The following FHDC1 variants were observed in gnomAD, a reference collection of about 807,000 sequenced individuals.
FHDC1 encodes the protein FH2 domain containing 1.
Under a neutral mutation model 52.6 loss-of-function variants are expected in FHDC1, and 25 were observed. The ratio of observed to expected loss-of-function variants is 0.48; its 90% CI spans 0.35 to 0.66. The LOEUF (loss-of-function observed/expected upper bound fraction) is 0.66, where lower values mean the gene tolerates loss of function less well. FHDC1 is among the 30% of genes least tolerant of loss of function. FHDC1 has a pLI of 0.01. For missense variants in FHDC1, 1,459 were observed against 1,452.8 expected, an observed-to-expected ratio of 1.00 and a Z score of -0.07; for synonymous variants, 616 against 581.5, an observed-to-expected ratio of 1.06 and a Z score of -0.85.
At chr4:152,926,209 A>C in the FHDC1 span, among the ~76,000 whole-genome samples, 1 of 151,766 alleles carries the variant, frequency 6.6e-6, no homozygotes, top group South Asian at 2.1e-4. Flanking sequence ...AAAAACAAAC[A>C]AACCAAGGTC....
chr4:152,943,242 C>CCCCCCCCCCCCT lies in FHDC1; in HGVS notation c.185_186insCCCCCCCCCCCT (p.Pro64_Pro67dup). On this transcript the variant is annotated inframe_insertion, in exon 2 of 12. Coordinates refer to ENST00000511601, the MANE Select transcript of FHDC1 (RefSeq NM_001371116.1). ...TGTCCTTCCTCCCCTCCTCCACCCCCACCACCTCCACTTCCTGGGGAGCCT... is the reference window on the plus strand; with the variant it reads ...TGTCCTTCCTCCCCTCCTCCACCCCCCCCCCCCCCCCTACCACCTCCACTTCCTGGGGAGCCT... 1 of 1,608,472 alleles carries CCCCCCCCCCCCT rather than the reference C, an allele frequency of 6.2e-7. No individual in the cohort carries two copies. Among genetic ancestry groups the CCCCCCCCCCCCT allele is most frequent in the South Asian group, 1.1e-5 (1 of 90,468 alleles).
chr4:152,954,935 T>C (rs1036665578), intron 4 of FHDC1, among the ~76,000 whole-genome samples: 3 of 152,158 alleles, frequency 2.0e-5, no homozygotes, highest in South Asian at 2.1e-4. Flanking sequence ...GCTGACCTCA[T>C]TGGATTGTCA....
the FHDC1 span, among the ~76,000 whole-genome samples, chr4:152,924,420 A>G: frequency 6.6e-6 from 1 of 152,180 alleles, no homozygotes; most frequent in African/African-American, 2.4e-5. Context: ...TGGGACTGTA[A>G]ACTAGTTCAA....
At chr4:152,913,076 A>G in the FHDC1 span, among the ~76,000 whole-genome samples, 1 of 152,226 alleles carries the variant, frequency 6.6e-6, no homozygotes, top group African/African-American at 2.4e-5. Flanking sequence ...CTCCAAATGT[A>G]ATGCTGGATG....
upstream of FHDC1, among the ~76,000 whole-genome samples, chr4:152,936,200 A>C (rs1217870733): frequency 6.6e-6 from 1 of 152,016 alleles, no homozygotes; most frequent in African/African-American, 2.4e-5. Flanking sequence ...GGGGCGGAGC[A>C]GGAAAGGGCG....
the FHDC1 span, among the ~76,000 whole-genome samples, chr4:152,913,646 G>T: frequency 6.6e-6 from 1 of 152,088 alleles, no homozygotes; most frequent in African/African-American, 2.4e-5. Context: ...TGGGAGAGTT[G>T]AAACTAGCTG....
intron 9 of FHDC1, among the ~76,000 whole-genome samples, chr4:152,967,016 A>G (rs1740483690): frequency 1.3e-5 from 2 of 152,172 alleles, no homozygotes; most frequent in Non-Finnish European, 2.9e-5. Flanking sequence ...ATTACTTGGA[A>G]GGCTGTGGTG....
chr4:152,937,129 A>T (rs1356627999), intron 1 of FHDC1, among the ~76,000 whole-genome samples: 2 of 152,224 alleles, frequency 1.3e-5, no homozygotes, highest in African/African-American at 4.8e-5. Context: ...GACCGGTTTC[A>T]AACGCCAGGA....
chr4:152,976,124 G>A lies in FHDC1; in HGVS notation c.2833G>A (p.Val945Met), dbSNP rs750031949. The change falls in exon 12 of 12, where the codon GTG becomes ATG. Residue 945 changes from valine (V) to methionine (M), a missense_variant. This residue lies in a region of FHDC1 where 939 missense variants were observed against 854.5 expected (regional missense o/e 1.10). Coordinates refer to ENST00000511601, the MANE Select transcript of FHDC1 (RefSeq NM_001371116.1). Reference sequence around the variant, plus strand: ...TACTGTGTGGTCACGCCAGAACTCCGTGCGGAGGGCCTCCACAGGCGCCGA... The same window carrying A: ...TACTGTGTGGTCACGCCAGAACTCCATGCGGAGGGCCTCCACAGGCGCCGA... Reference protein sequence around the residue: ...TDTVWSRQNSVRRASTGAEEQ... With the variant: ...TDTVWSRQNSMRRASTGAEEQ... 6.0e-5 allele frequency: 97 copies of A among 1,611,148 alleles called. No homozygotes were observed. Among genetic ancestry groups the A allele is most frequent in the Non-Finnish European group, 7.9e-5 (93 of 1,179,144 alleles).
In FHDC1 at chr4:152,975,204, G is replaced by C. The variant is rs138767599; in HGVS notation, c.1913G>C (p.Arg638Pro). 4 of 1,613,214 alleles carry C rather than the reference G, an allele frequency of 2.5e-6. No homozygotes were observed. In the East Asian group the frequency reaches 8.9e-5, roughly 36 times the overall value. The change falls in exon 12 of 12, where the codon CGG becomes CCG. Residue 638 changes from arginine (R) to proline (P), a missense_variant. Coordinates refer to ENST00000511601, the MANE Select transcript of FHDC1 (RefSeq NM_001371116.1). ...ENHASAFPRA[R>P]RQGVSVLRKR... ...CATGCCTCTGCCTTCCCCAGAGCTC[G>C]GCGCCAGGGCGTCAGTGTCCTCCGA...
At chr4:152,938,104 C>T (rs1019766524) in intron 1 of FHDC1, among the ~76,000 whole-genome samples, 1 of 152,118 alleles carries the variant, frequency 6.6e-6, no homozygotes, top group Non-Finnish European at 1.5e-5. Context: ...TCTGTGACCC[C>T]CTTCAACTGA....
chr4:152,930,996 CA>C, the FHDC1 span, among the ~76,000 whole-genome samples: 3 of 139,132 alleles, frequency 2.2e-5, no homozygotes, highest in Non-Finnish European at 4.7e-5. Flanking sequence ...CACACACACA[CA>C]CTCTCTCTCT....
the FHDC1 span, chr4:152,928,015 C>G: frequency 6.8e-7 from 1 of 1,462,868 alleles, no homozygotes; most frequent in Non-Finnish European, 9.6e-7. Flanking sequence ...GCAAGTCTCT[C>G]AGAAACACCT....
Position 152,942,600 on chromosome 4 carries a change from C to T in FHDC1, c.-130-328C>T, listed in dbSNP as rs181827697. ...TTGGGCAACCATTGTCCAAAGAGAACGAACTAGTTAGTAAACAAGTAGTTT... is the reference window on the plus strand; with the variant it reads ...TTGGGCAACCATTGTCCAAAGAGAATGAACTAGTTAGTAAACAAGTAGTTT... On this transcript the variant is annotated intron_variant, in intron 1 of 11. Coordinates refer to ENST00000511601, the MANE Select transcript of FHDC1 (RefSeq NM_001371116.1). Among the ~76,000 whole-genome samples the T allele has an allele frequency of 4.2e-3, 642 of 152,266 alleles. 6 individuals carry two copies. Among genetic ancestry groups the T allele is most frequent in the Non-Finnish European group, 5.2e-3 (356 of 68,020 alleles).
At chr4:152,949,122 A>AAGAAG (rs1561204893) in intron 2 of FHDC1, among the ~76,000 whole-genome samples, 5 of 43,408 alleles carry the variant, frequency 1.2e-4, no homozygotes, top group Admixed American at 7.2e-4. Context: ...TAATAATAAT[A>AAGAAG]ATAAGAAGAA....
chr4:152,911,650 G>A, the FHDC1 span: 1 of 152,580 alleles, frequency 6.6e-6, no homozygotes, highest in Non-Finnish European at 1.5e-5. Context: ...CATGAACTTT[G>A]TGGACTGTAA....
intron 2 of FHDC1, among the ~76,000 whole-genome samples, chr4:152,948,226 T>C (rs536734882): frequency 1.3e-5 from 2 of 152,362 alleles, no homozygotes; most frequent in East Asian, 3.9e-4. Flanking sequence ...ATAGCCACTA[T>C]GTAGTGTTAC....
chr4:152,932,316 G>A (rs1195351403), upstream of FHDC1, among the ~76,000 whole-genome samples: 1 of 151,994 alleles, frequency 6.6e-6, no homozygotes, highest in African/African-American at 2.4e-5. Context: ...GCTCATGCCT[G>A]TAACCACAGC....
At chr4:152,934,337 T>A (rs980780168), upstream of FHDC1, among the ~76,000 whole-genome samples, 2 of 152,144 alleles carry the variant, frequency 1.3e-5, no homozygotes, top group African/African-American at 4.8e-5. Context: ...GGAAGAGTAC[T>A]AGTTTTGAGG....
Sources: gnomAD v4.1 joint callset for allele counts (sites outside exome capture counted in the v4.1 genomes callset) on GRCh38, gnomAD v4.1.1 for gene constraint, gnomAD v4.1.1 regional missense constraint, MANE v1.5 for transcripts, NCBI Gene and HGNC (gene_info 2026-07-23, HGNC 2026-07-21) for gene names.